Variants in SBNO2 observed in about 807,000 individuals in gnomAD.
SBNO2 encodes the protein strawberry notch homolog 2.
SBNO2 carries 89 observed loss-of-function variants against 146.3 expected under a neutral mutation model. That is an observed-to-expected ratio of 0.61 (90% confidence interval 0.51 to 0.73). The LOEUF (loss-of-function observed/expected upper bound fraction) is 0.73, where lower values mean the gene tolerates loss of function less well. Ranked by LOEUF, SBNO2 falls within the 30% of genes least tolerant of loss-of-function variation. SBNO2 has a pLI of 0.00. For synonymous variants in SBNO2, 1,147 were observed against 892.6 expected (o/e 1.29, Z -5.08); for missense variants, 2,092 against 2,003.7 (o/e 1.04, Z -0.84).
chr19:1,128,682 C>T lies in SBNO2; in HGVS notation c.280-917G>A, dbSNP rs573808377. 2.3e-4 allele frequency among the ~76,000 whole-genome samples: 35 copies of T among 150,570 alleles called. No homozygotes were observed. The South Asian group carries it at 5.1e-3, about 22-fold the overall frequency. ...TGCTGGGATTACAGGCGTGAGCCAC[C>T]GTGTCCGGCCACATGTGATGTCTCA... On this transcript the variant is annotated intron_variant, in intron 4 of 31. Coordinates refer to ENST00000361757, the MANE Select transcript of SBNO2 (RefSeq NM_014963.3).
intron 1 of SBNO2, among the ~76,000 whole-genome samples, chr19:1,170,931 C>CACATA (rs3085822): frequency 1 from 151,479 of 152,022 alleles, 75,468 homozygotes; most frequent in Middle Eastern, 1. Flanking sequence ...AGGCAACACA[C>CACATA]ACATGAGCAC....
chr19:1,109,865 A>AAT lies in SBNO2; in HGVS notation c.3029-89_3029-88insAT. The AAT allele has an allele frequency of 4.2e-6, 4 of 953,092 alleles. No homozygotes were observed. The highest frequency in any genetic ancestry group is 2.6e-5 in the Admixed American group (1 of 38,474). The allele number at this position is 953,092 out of a possible 1,614,324, so 59.0% of individuals were successfully genotyped here. On this transcript the variant is annotated intron_variant, in intron 26 of 31. Transcript: ENST00000361757. This position sits in a 1 kb window ranked among gnomAD's most constrained non-coding sequence, Gnocchi z 4.2. ...CAGTCCCGTAGCCGGGGCGCACCCT[A>AAT]GAGACGACCCCCCGAGAGCACAGGA...
chr19:1,155,345 G>A (rs865880318), intron 1 of SBNO2, among the ~76,000 whole-genome samples: 16 of 152,164 alleles, frequency 1.1e-4, no homozygotes, highest in African/African-American at 2.2e-4. Context: ...GCTGGGGGTC[G>A]GGACTCCTGT....
In SBNO2 at chr19:1,112,316, G is replaced by T. The variant is rs747094515; in HGVS notation, c.2516-15C>A. ...GTGGGTGCGGCCTGGGGGCAGAGCT[G>T]CTCTCAGGGCCCGGCCAGGCGGGGG... On this transcript the variant is annotated splice_polypyrimidine_tract_variant and intron_variant, in intron 21 of 31. Coordinates refer to ENST00000361757, the MANE Select transcript of SBNO2 (RefSeq NM_014963.3). This position sits in a 1 kb window ranked among gnomAD's most constrained non-coding sequence, Gnocchi z 5.9. 1 of 1,576,624 alleles carries T rather than the reference G, an allele frequency of 6.3e-7. No individual in the cohort carries two copies. The highest frequency in any genetic ancestry group is 1.3e-5 in the African/African-American group (1 of 74,428).
rs1403016375 is a variant in SBNO2 at position 1,144,833 on chromosome 19, G to A, written c.279+2476C>T. Among the ~76,000 whole-genome samples the A allele has an allele frequency of 1.3e-5, 2 of 150,864 alleles. No homozygotes were observed. Among genetic ancestry groups the A allele is most frequent in the East Asian group, 2.0e-4 (1 of 5,108 alleles). On this transcript the variant is annotated intron_variant, in intron 4 of 31. Coordinates refer to ENST00000361757, the MANE Select transcript of SBNO2 (RefSeq NM_014963.3). The surrounding 1 kb of genome is among the most constrained non-coding windows in gnomAD (Gnocchi z 4.1). Reference sequence around the variant, plus strand: ...AGACAGAGACAGAGAGGGAGACAGAGAGACAGGGGCAGAGACAAGCAGAGA... The same window carrying A: ...AGACAGAGACAGAGAGGGAGACAGAAAGACAGGGGCAGAGACAAGCAGAGA...
At chr19:1,169,674 A>AG (rs35329595) in intron 1 of SBNO2, among the ~76,000 whole-genome samples, 42,827 of 152,150 alleles carry the variant, frequency 0.28, 6,786 homozygotes, top group East Asian at 0.45. Context: ...AGCTGGCTGC[A>AG]GGCTGCCTGA....
rs1568621470 is a variant in SBNO2 at position 1,150,892 on chromosome 19, C to T, written c.94-1450G>A. 6.6e-6 allele frequency among the ~76,000 whole-genome samples: 1 copy of T among 152,174 alleles called. No homozygotes were observed. Among genetic ancestry groups the T allele is most frequent in the Admixed American group, 6.5e-5 (1 of 15,282 alleles). On this transcript the variant is annotated intron_variant, in intron 2 of 31. Transcript: ENST00000361757. This position sits in a 1 kb window ranked among gnomAD's most constrained non-coding sequence, Gnocchi z 6.2. ...AGATAGGCAAAGCCCTCGGGGTGAC[C>T]GCTGCCCCGCTCCTCCAGCTTTTGC... is the stretch of plus-strand genomic sequence containing the variant.
Position 1,123,962 on chromosome 19 carries a change from G to A in SBNO2, c.502C>T (p.Pro168Ser). The A allele has an allele frequency of 1.9e-6, 3 of 1,611,920 alleles. No homozygotes were observed. Among genetic ancestry groups the A allele is most frequent in the Non-Finnish European group, 1.7e-6 (2 of 1,179,374 alleles). ...FEDFLPSHST[P>S]LLVSYQEQSV... ...CTCACCTGGTAGCTGACGAGAAGCG[G>A]GGTGCTGTGGGAGGGCAGAAAGTCC... Residue 168 changes from proline (P) to serine (S), a missense_variant, in exon 6 of 32, where the codon CCG (proline) becomes TCG (serine). Physicochemically the swap from Pro to Ser is moderately conservative, Grantham distance 74 (BLOSUM62 -1). Coordinates refer to ENST00000361757, the MANE Select transcript of SBNO2 (RefSeq NM_014963.3).
rs901481075 is a variant in SBNO2 at position 1,173,067 on chromosome 19, A to G, written c.-127+1105T>C. On this transcript the variant is annotated intron_variant, in intron 1 of 31. Coordinates refer to ENST00000361757, the MANE Select transcript of SBNO2 (RefSeq NM_014963.3). The surrounding 1 kb of genome is among the most constrained non-coding windows in gnomAD (Gnocchi z 4.7). The stretch of plus-strand genomic sequence containing the variant: ...AGACACCCACCGTCCCTGCCCCAGC[A>G]CCATCCGTGCCCGGCGTCCCTGGAG... 1.3e-5 allele frequency among the ~76,000 whole-genome samples: 2 copies of G among 148,972 alleles called. No homozygotes were observed. Among genetic ancestry groups the G allele is most frequent in the Non-Finnish European group, 3.0e-5 (2 of 67,470 alleles).
At chr19:1,172,786 C>CCCCCCCCCCCCA (rs1568659815) in intron 1 of SBNO2, among the ~76,000 whole-genome samples, 1 of 93,420 alleles carries the variant, frequency 1.1e-5, no homozygotes, top group East Asian at 3.8e-4. Context: ...CCGCCCCCCC[C>CCCCCCCCCCCCA]GCCCCGGCAA....
intron 4 of SBNO2, chr19:1,132,231 G>T (rs559870950): frequency 7.7e-7 from 1 of 1,303,650 alleles, no homozygotes; most frequent in Non-Finnish European, 9.8e-7. Flanking sequence ...TGGGTCGGCC[G>T]GGGCGGACGG....
chr19:1,145,237 C>CG (rs2080178464), intron 4 of SBNO2, among the ~76,000 whole-genome samples: 1 of 148,298 alleles, frequency 6.7e-6, no homozygotes, highest in Admixed American at 6.8e-5. Flanking sequence ...GAGGCTGAGG[C>CG]GGGCGGATCA....
intron 4 of SBNO2, among the ~76,000 whole-genome samples, chr19:1,137,152 TAG>T (rs1267104907): frequency 7.2e-6 from 1 of 138,314 alleles, no homozygotes; most frequent in Non-Finnish European, 1.5e-5. Context: ...ATGTCCTGTG[TAG>T]GGGCACAGGC....
At chr19:1,167,086 C>T (rs960334369) in intron 1 of SBNO2, among the ~76,000 whole-genome samples, 5 of 152,372 alleles carry the variant, frequency 3.3e-5, no homozygotes, top group East Asian at 1.9e-4. Context: ...CTTCTGGCTT[C>T]GGGCTGGGCT....
At position 1,110,896 on chromosome 19, in the gene SBNO2, G is replaced by C. The variant is rs758122766; in HGVS notation, c.2885-8C>G. 2.5e-6 allele frequency: 4 copies of C among 1,613,174 alleles called. No individual in the cohort carries two copies. The highest frequency in any genetic ancestry group is 3.4e-6 in the Non-Finnish European group (4 of 1,179,328). On this transcript the variant is annotated splice_region_variant and splice_polypyrimidine_tract_variant and intron_variant, in intron 25 of 31. Transcript: ENST00000361757. The surrounding 1 kb of genome is among the most constrained non-coding windows in gnomAD (Gnocchi z 4.9). The stretch of plus-strand genomic sequence containing the variant: ...ACTTGGTGATGGAACAGTCTGGTAG[G>C]GGAGGGAGCCAAGCCTCAGGCTGCG...
chr19:1,124,398 A>T (rs1476930634), intron 5 of SBNO2, among the ~76,000 whole-genome samples: 1 of 151,966 alleles, frequency 6.6e-6, no homozygotes, highest in Non-Finnish European at 1.5e-5. Flanking sequence ...GACAGGAGAG[A>T]CCCACTGTGT....
chr19:1,158,648 G>A lies in SBNO2; in HGVS notation c.-126-4246C>T, dbSNP rs760258727. On this transcript the variant is annotated intron_variant, in intron 1 of 31. Coordinates refer to ENST00000361757, the MANE Select transcript of SBNO2 (RefSeq NM_014963.3). The surrounding 1 kb of genome is among the most constrained non-coding windows in gnomAD (Gnocchi z 9.9). The stretch of plus-strand genomic sequence containing the variant: ...GGCGGCGAGGCCCGGGCGAGCGGGC[G>A]CGACCGTGGTGATGGAGCCCGGCAG... Among the ~76,000 whole-genome samples the A allele has an allele frequency of 1.3e-5, 2 of 152,184 alleles. No homozygotes were observed. The highest frequency in any genetic ancestry group is 4.1e-4 in the South Asian group (2 of 4,838).
chr19:1,164,547 G>A (rs2080386156), intron 1 of SBNO2, among the ~76,000 whole-genome samples: 1 of 121,464 alleles, frequency 8.2e-6, no homozygotes, highest in Non-Finnish European at 1.7e-5. Flanking sequence ...AGGAGGAGGA[G>A]GAGGAACAGG....
At chr19:1,133,834 C>A (rs78468943) in intron 4 of SBNO2, among the ~76,000 whole-genome samples, 4,075 of 152,302 alleles carry the variant, frequency 0.027, 85 homozygotes, top group African/African-American at 0.052. Context: ...ACCAGCTCCA[C>A]GCAAAAAACC....
Sources: gnomAD v4.1 joint callset for allele counts (sites outside exome capture counted in the v4.1 genomes callset) on GRCh38, gnomAD v4.1.1 for gene constraint, Gnocchi (gnomAD v3.1) non-coding constraint, MANE v1.5 for transcripts, NCBI Gene and HGNC (gene_info 2026-07-23, HGNC 2026-07-21) for gene names.